The following ZDBF2 variants were observed in gnomAD, a reference collection of about 807,000 sequenced individuals.
The protein encoded by ZDBF2 is DBF4-type zinc finger-containing protein 2.
Under a neutral mutation model 9.4 loss-of-function variants are expected in ZDBF2, and 6 were observed. The ratio of observed to expected loss-of-function variants is 0.64; its 90% CI spans 0.35 to 1.27. ZDBF2 has a LOEUF of 1.27. ZDBF2 is among the 50% of genes most tolerant of loss of function. The probability of loss-of-function intolerance (pLI) is 0.03; values close to 1 mark genes in which losing one functional copy is unlikely to be tolerated. For synonymous variants in ZDBF2, 905 were observed against 946.3 expected (o/e 0.96, Z 0.80); for missense variants, 2,697 against 2,766.8 (o/e 0.97, Z 0.57).
intron 1 of ZDBF2, among the ~76,000 whole-genome samples, chr2:206,277,566 T>G (rs1333649608): frequency 6.6e-6 from 1 of 151,970 alleles, no homozygotes; most frequent in African/African-American, 2.4e-5. Flanking sequence ...CTTAACTGGG[T>G]ATGACATTGG....
chr2:206,290,079 A>G (rs1237000006), intron 3 of ZDBF2, among the ~76,000 whole-genome samples: 1 of 152,200 alleles, frequency 6.6e-6, no homozygotes, highest in East Asian at 1.9e-4. Context: ...CATGTGATAT[A>G]CAGTAGTATC....
intron 4 of ZDBF2, among the ~76,000 whole-genome samples, chr2:206,303,781 T>G (rs1171418391): frequency 6.8e-6 from 1 of 147,190 alleles, no homozygotes; most frequent in Non-Finnish European, 1.5e-5. Flanking sequence ...AAGTGCATTA[T>G]TTTTTTCCCT....
intron 1 of ZDBF2, among the ~76,000 whole-genome samples, chr2:206,275,426 C>CG (rs200711333): frequency 0.017 from 2,591 of 152,182 alleles, 52 homozygotes; most frequent in African/African-American, 0.043. Flanking sequence ...TTCCCAGCCT[C>CG]GGGCGATTAT....
chr2:206,281,904 G>C lies in ZDBF2; in HGVS notation c.55G>C (p.Glu19Gln). 1.2e-6 allele frequency: 2 copies of C among 1,612,406 alleles called. No individual in the cohort carries two copies. The highest frequency in any genetic ancestry group is 1.7e-6 in the Non-Finnish European group (2 of 1,179,180). Residue 19 changes from glutamate to glutamine, a missense_variant, in exon 3 of 5, where the codon GAA (glutamate) becomes CAA (glutamine). This residue lies in a region of ZDBF2 where 910 missense variants were observed against 973.6 expected (regional missense o/e 0.93). Transcript: ENST00000374423. ...TTGCCGTGTGCAGTATAATAACCTGGAACAGGTGAGCGGTTTCTATTAATA... is the reference window on the plus strand; with the variant it reads ...TTGCCGTGTGCAGTATAATAACCTGCAACAGGTGAGCGGTTTCTATTAATA... ...SYCRVQYNNLEQHLFSAQHRS... is the reference protein window; with the variant it reads ...SYCRVQYNNLQQHLFSAQHRS...
chr2:206,301,237 T>C (rs922573982), intron 4 of ZDBF2, among the ~76,000 whole-genome samples: 2 of 152,228 alleles, frequency 1.3e-5, no homozygotes, highest in Non-Finnish European at 2.9e-5. Context: ...ATGAGTAATA[T>C]CCTTTGTATT....
chr2:206,299,325 C>T (rs1180215905), intron 4 of ZDBF2, among the ~76,000 whole-genome samples: 1 of 152,186 alleles, frequency 6.6e-6, no homozygotes, highest in African/African-American at 2.4e-5. Context: ...AAAACTGGTA[C>T]AAGAAATTCT....
intron 1 of ZDBF2, among the ~76,000 whole-genome samples, chr2:206,278,250 G>T (rs1691132764): frequency 6.6e-6 from 1 of 151,988 alleles, no homozygotes; most frequent in Non-Finnish European, 1.5e-5. Flanking sequence ...ATTTTTTAAA[G>T]AAAAATTAAA....
rs1160821299 is a variant in ZDBF2, at chr2:206,306,166, G to T, written c.1638G>T (p.Leu546=). 6.2e-7 allele frequency: 1 copy of T among 1,613,740 alleles called. No homozygotes were observed. Among genetic ancestry groups the T allele is most frequent in the Non-Finnish European group, 8.5e-7 (1 of 1,179,800 alleles). Residue 546 remains leucine (L), a synonymous_variant, in exon 5 of 5, where the codon CTG becomes CTT. Coordinates refer to ENST00000374423, the MANE Select transcript of ZDBF2 (RefSeq NM_020923.3). The stretch of plus-strand genomic sequence containing the variant: ...TAAGTGCTGATTCTGTTTTCCCACT[G>T]CAGTCAGTGGTTGACAGACCCCCAG... The part of the protein sequence containing the change: ...SEVSADSVFP[L]QSVVDRPPVA...
chr2:206,282,386 G>A (rs560398064), intron 3 of ZDBF2, among the ~76,000 whole-genome samples: 51 of 152,284 alleles, frequency 3.3e-4, no homozygotes, highest in African/African-American at 1.2e-3. Context: ...TGGATGTGGG[G>A]AGGTGGGTGA....
At position 206,306,633 on chromosome 2, in the gene ZDBF2, G is replaced by T; in HGVS notation, c.2105G>T (p.Ser702Ile). 6.2e-7 allele frequency: 1 copy of T among 1,613,728 alleles called. No individual in the cohort carries two copies. The highest frequency in any genetic ancestry group is 8.5e-7 in the Non-Finnish European group (1 of 1,179,782). The change falls in exon 5 of 5, where the codon AGC becomes ATC. Residue 702 changes from serine (S) to isoleucine (I), a missense_variant. Physicochemically the swap from Ser to Ile is moderately radical, Grantham distance 142. Transcript: ENST00000374423. ...CTTGAGAATAAGAGTGTTCAGTCTA[G>T]CCGTTCTTCTCTGAGTTCTGATTCT... ...VDLENKSVQS[S>I]RSSLSSDSPA...
At chr2:206,303,915 C>T (rs1232648620) in intron 4 of ZDBF2, among the ~76,000 whole-genome samples, 1 of 152,016 alleles carries the variant, frequency 6.6e-6, no homozygotes, top group Non-Finnish European at 1.5e-5. Context: ...CATTGTATTC[C>T]ATTAAATACC....
rs1019614289 is a variant in ZDBF2 at position 206,312,773 on chromosome 2, G to A, written c.*1180G>A. On this transcript the variant is annotated 3_prime_UTR_variant, in exon 5 of 5. Transcript: ENST00000374423. The stretch of plus-strand genomic sequence containing the variant: ...TATTGGCTTGGTAATATTTGGGCAG[G>A]CCATTAATTCTCATTAGAAAATTAC... The A allele has an allele frequency of 6.6e-6, 1 of 152,122 alleles. No individual in the cohort carries two copies. The highest frequency in any genetic ancestry group is 1.5e-5 in the Non-Finnish European group (1 of 68,022). The allele number at this position is 152,122 out of a possible 1,614,324, so 9.4% of individuals were successfully genotyped here. A position where few individuals can be genotyped will look rare whatever the true frequency, so the allele number is the denominator to read the frequency against.
intron 3 of ZDBF2, among the ~76,000 whole-genome samples, chr2:206,284,972 AC>A (rs1559134361): frequency 6.6e-6 from 1 of 152,120 alleles, no homozygotes; most frequent in Non-Finnish European, 1.5e-5. Flanking sequence ...CAGGTGATCC[AC>A]CTGCCTCAGC....
At chr2:206,290,300 T>A (rs1691821699) in intron 3 of ZDBF2, among the ~76,000 whole-genome samples, 1 of 152,250 alleles carries the variant, frequency 6.6e-6, no homozygotes, top group Non-Finnish European at 1.5e-5. Flanking sequence ...CCTCCAACTT[T>A]GTTCCTCTTT....
chr2:206,275,191 G>A (rs1293409308), intron 1 of ZDBF2, among the ~76,000 whole-genome samples: 1 of 152,170 alleles, frequency 6.6e-6, no homozygotes, highest in Non-Finnish European at 1.5e-5. Context: ...GTGGGGCGCA[G>A]GCTGCATTGC....
rs1693097311 is a variant in ZDBF2 at position 206,310,385 on chromosome 2, T to C, written c.5857T>C (p.Tyr1953His). The C allele has an allele frequency of 6.2e-7, 1 of 1,613,782 alleles. No homozygotes were observed. The highest frequency in any genetic ancestry group is 8.5e-7 in the Non-Finnish European group (1 of 1,179,886). ...TAGTACTCAGACCAGTTGTAAGAAT[T>C]ACCCAGTGATGAAAAGAAAAATAAT... is the stretch of plus-strand genomic sequence containing the variant. ...SHSTQTSCKN[Y>H]PVMKRKIIRQ... is the part of the protein sequence containing the mutation. Residue 1953 changes from tyrosine to histidine, a missense_variant, in exon 5 of 5, where the codon TAC (tyrosine) becomes CAC (histidine). By Grantham distance (83) the Tyr-to-His change is moderately conservative. Around this residue, in one of 3 missense-constraint regions of ZDBF2, gnomAD observed 1,783 missense variants for 1,776.5 expected, o/e 1.00. Transcript: ENST00000374423.
intron 4 of ZDBF2, among the ~76,000 whole-genome samples, chr2:206,299,730 T>G (rs1692393324): frequency 6.6e-6 from 1 of 151,870 alleles, no homozygotes; most frequent in Non-Finnish European, 1.5e-5. Context: ...GAGGCTGCAG[T>G]GTACTTTGAC....
Position 206,307,833 on chromosome 2 carries a change from T to C in ZDBF2, c.3305T>C (p.Ile1102Thr), listed in dbSNP as rs774781623. The C allele has an allele frequency of 3.1e-6, 5 of 1,612,118 alleles. No homozygotes were observed. Among genetic ancestry groups the C allele is most frequent in the South Asian group, 1.1e-5 (1 of 90,456 alleles). Reference sequence around the variant, plus strand: ...ATAGACCAATGGAAGGAAGAGGTTATTGGCCTGAAAAATAAGATTAATGAA... The same window carrying C: ...ATAGACCAATGGAAGGAAGAGGTTACTGGCCTGAAAAATAAGATTAATGAA... ...KKIDQWKEEV[I>T]GLKNKINEPS... The change falls in exon 5 of 5, where the codon ATT (isoleucine) becomes ACT (threonine). Residue 1102 changes from isoleucine to threonine, a missense_variant. Transcript: ENST00000374423.
Position 206,305,664 on chromosome 2 carries a change from A to G in ZDBF2, c.1136A>G (p.Gln379Arg), listed in dbSNP as rs201372498. ...CTTCAGTCAGCATCTGATCAGCCCC[A>G]AGAGACTGCACAAGACTTAAGTCTT... Reference protein sequence around the residue: ...ISLQSASDQPQETAQDLSLWK... With the variant: ...ISLQSASDQPRETAQDLSLWK... The change falls in exon 5 of 5, where the codon CAA (glutamine) becomes CGA (arginine). Residue 379 changes from glutamine (Q) to arginine (R), a missense_variant. Gln to Arg is a conservative substitution (Grantham distance 43, BLOSUM62 1). This residue lies in a region of ZDBF2 where 910 missense variants were observed against 973.6 expected (regional missense o/e 0.93). Coordinates refer to ENST00000374423, the MANE Select transcript of ZDBF2 (RefSeq NM_020923.3). 630 of 1,613,618 alleles carry G rather than the reference A, an allele frequency of 3.9e-4. No individual in the cohort carries two copies. The highest frequency in any genetic ancestry group is 5.0e-4 in the Non-Finnish European group (591 of 1,179,794).
Sources: allele counts gnomAD v4.1 joint callset (sites outside exome capture counted in the v4.1 genomes callset), GRCh38; gene constraint gnomAD v4.1.1; regional missense constraint gnomAD v4.1.1; transcripts MANE v1.5; gene names NCBI Gene and HGNC (gene_info 2026-07-23, HGNC 2026-07-21).